The following HS3ST2 variants were observed in gnomAD, a reference collection of about 807,000 sequenced individuals.
The protein encoded by HS3ST2 is heparan sulfate glucosamine 3-O-sulfotransferase 2.
In HS3ST2, 17 loss-of-function variants were observed where a neutral mutation model predicts 26.3. That is an observed-to-expected ratio of 0.65 (90% CI 0.44 to 0.97). The LOEUF (loss-of-function observed/expected upper bound fraction) is 0.97, where lower values mean the gene tolerates loss of function less well. HS3ST2 is among the 50% of genes least tolerant of loss of function. The probability of loss-of-function intolerance (pLI) is 0.00; values close to 1 mark genes in which losing one functional copy is unlikely to be tolerated. For missense variants in HS3ST2, 402 were observed against 501.2 expected, an observed-to-expected ratio of 0.80 and a Z score of 1.89; for synonymous variants, 237 against 219.2, an observed-to-expected ratio of 1.08 and a Z score of -0.72.
intron 1 of HS3ST2, among the ~76,000 whole-genome samples, chr16:22,896,169 G>A (rs1180812131): frequency 1.3e-5 from 2 of 151,708 alleles, no homozygotes; most frequent in African/African-American, 4.8e-5. Flanking sequence ...ATTTATTTGG[G>A]GTTAGTGTTT....
intron 1 of HS3ST2, among the ~76,000 whole-genome samples, chr16:22,901,184 G>A (rs1385989365): frequency 6.6e-6 from 1 of 152,196 alleles, no homozygotes; most frequent in Non-Finnish European, 1.5e-5. Flanking sequence ...CACATGGCCA[G>A]GAAAAGGAAA....
chr16:22,821,270 CAAAGG>C (rs1300415433), intron 1 of HS3ST2, among the ~76,000 whole-genome samples: 1 of 151,786 alleles, frequency 6.6e-6, no homozygotes, highest in Admixed American at 6.6e-5. Flanking sequence ...GAGACACATC[CAAAGG>C]GCCCTAGCGG....
intron 1 of HS3ST2, among the ~76,000 whole-genome samples, chr16:22,817,697 G>GC (rs1381059713): frequency 3.9e-5 from 6 of 152,188 alleles, no homozygotes; most frequent in Non-Finnish European, 7.3e-5. Context: ...GGTCCACTGG[G>GC]CAGACATAGC....
chr16:22,891,247 G>A (rs745645208), intron 1 of HS3ST2, among the ~76,000 whole-genome samples: 3 of 152,140 alleles, frequency 2.0e-5, no homozygotes, highest in Non-Finnish European at 4.4e-5. Context: ...AGACAGGTAC[G>A]AGGTTAATCA....
chr16:22,905,494 G>A (rs1034285769), intron 1 of HS3ST2, among the ~76,000 whole-genome samples: 4 of 151,840 alleles, frequency 2.6e-5, no homozygotes, highest in Admixed American at 2.6e-4. Flanking sequence ...GGGTGAAAGA[G>A]TATAGACTTT....
intron 1 of HS3ST2, among the ~76,000 whole-genome samples, chr16:22,886,263 T>C (rs1300564846): frequency 6.6e-6 from 1 of 152,222 alleles, no homozygotes; most frequent in African/African-American, 2.4e-5. Flanking sequence ...AATTGAAATA[T>C]AGCTTTTTGT....
At chr16:22,843,964 C>A (rs991286776) in intron 1 of HS3ST2, among the ~76,000 whole-genome samples, 2 of 151,850 alleles carry the variant, frequency 1.3e-5, no homozygotes, top group Admixed American at 1.3e-4. Context: ...AAGACTGTAA[C>A]AAGGGATATG....
intron 1 of HS3ST2, among the ~76,000 whole-genome samples, chr16:22,885,598 G>A (rs1012813226): frequency 6.6e-6 from 1 of 152,036 alleles, no homozygotes; most frequent in Admixed American, 6.6e-5. Context: ...TGGGATTACA[G>A]GCGTGCGCCA....
rs2141752044 is a variant in HS3ST2 at position 22,915,434 on chromosome 16, T to C, written c.976T>C (p.Leu326=). The C allele has an allele frequency of 1.2e-6, 2 of 1,613,836 alleles. No homozygotes were observed. The highest frequency in any genetic ancestry group is 2.2e-5 in the East Asian group (1 of 44,870). Reference sequence around the variant, plus strand: ...AGAATCGAGCCTCCTGCCTCGATGCTTGGGCAAATCAAAAGGGAGAACTCA... The same window carrying C: ...AGAATCGAGCCTCCTGCCTCGATGCCTGGGCAAATCAAAAGGGAGAACTCA... ...KTESSLLPRC[L]GKSKGRTHVQ... Residue 326 remains leucine (L), a synonymous_variant, in exon 2 of 2, where the codon TTG becomes CTG. Transcript: ENST00000261374.
In HS3ST2 at chr16:22,873,409, G is replaced by A. The variant is rs185147793; in HGVS notation, c.486-41535G>A. Reference sequence around the variant, plus strand: ...AAATGCTCACTAAATCTTATCTCACGTTAATGACAAGTTTCTTGGACCATT... The same window carrying A: ...AAATGCTCACTAAATCTTATCTCACATTAATGACAAGTTTCTTGGACCATT... On this transcript the variant is annotated intron_variant, in intron 1 of 1. Coordinates refer to ENST00000261374, the MANE Select transcript of HS3ST2 (RefSeq NM_006043.2). Among the ~76,000 whole-genome samples the A allele has an allele frequency of 2.4e-3, 360 of 152,352 alleles. 1 individual carries two copies. The highest frequency in any genetic ancestry group is 3.8e-3 in the Non-Finnish European group (259 of 68,024).
intron 1 of HS3ST2, among the ~76,000 whole-genome samples, chr16:22,865,081 A>G (rs1207008258): frequency 6.6e-6 from 1 of 151,066 alleles, no homozygotes; most frequent in Non-Finnish European, 1.5e-5. Flanking sequence ...AGAGGAAAAG[A>G]AAAAACCCTC....
intron 1 of HS3ST2, among the ~76,000 whole-genome samples, chr16:22,886,411 C>T (rs1324775313): frequency 6.6e-6 from 1 of 152,170 alleles, no homozygotes; most frequent in African/African-American, 2.4e-5. Flanking sequence ...TCTACATTGG[C>T]CCAAACCCCT....
intron 1 of HS3ST2, among the ~76,000 whole-genome samples, chr16:22,885,656 G>A (rs190375809): frequency 4.0e-5 from 6 of 151,626 alleles, no homozygotes; most frequent in Admixed American, 2.6e-4. Context: ...GGCCTTCACC[G>A]TGTTGGCCAG....
chr16:22,833,050 T>C (rs1437105220), intron 1 of HS3ST2, among the ~76,000 whole-genome samples: 2 of 152,178 alleles, frequency 1.3e-5, no homozygotes, highest in Non-Finnish European at 2.9e-5. Context: ...AACCCATGCT[T>C]CCCAGAGGCT....
rs531735907 is a variant in HS3ST2 at position 22,888,653 on chromosome 16, G to A, written c.486-26291G>A. On this transcript the variant is annotated intron_variant, in intron 1 of 1. Coordinates refer to ENST00000261374, the MANE Select transcript of HS3ST2 (RefSeq NM_006043.2). ...GCCCGCCTCGGCCTGGCAAAGTGCT[G>A]GGATTACAGGCGTGTGCCACCGCGC... Among the ~76,000 whole-genome samples, 14 of 152,170 alleles carry A rather than the reference G, an allele frequency of 9.2e-5. No individual in the cohort carries two copies. The East Asian group carries it at 2.7e-3, about 30-fold the overall frequency.
At chr16:22,858,501 G>T (rs2141188251) in intron 1 of HS3ST2, among the ~76,000 whole-genome samples, 1 of 151,970 alleles carries the variant, frequency 6.6e-6, no homozygotes, top group East Asian at 1.9e-4. Context: ...AGGATAATTA[G>T]ATCACTATAT....
intron 1 of HS3ST2, among the ~76,000 whole-genome samples, chr16:22,831,637 C>A (rs954118197): frequency 2.6e-5 from 4 of 151,328 alleles, no homozygotes; most frequent in African/African-American, 9.7e-5. Context: ...GATGAGAAGT[C>A]TTTGTTTATT....
intron 1 of HS3ST2, among the ~76,000 whole-genome samples, chr16:22,885,903 C>T (rs1011356308): frequency 6.6e-6 from 1 of 152,214 alleles, no homozygotes; most frequent in Non-Finnish European, 1.5e-5. Flanking sequence ...GACAGACCAT[C>T]TGGCCCAGTC....
intron 1 of HS3ST2, among the ~76,000 whole-genome samples, chr16:22,832,371 C>T (rs1176074247): frequency 6.6e-6 from 1 of 151,992 alleles, no homozygotes; most frequent in African/African-American, 2.4e-5. Context: ...TGGTGAGCAT[C>T]CTACACCCCT....
Sources: allele counts gnomAD v4.1 joint callset (sites outside exome capture counted in the v4.1 genomes callset), GRCh38; gene constraint gnomAD v4.1.1; transcripts MANE v1.5; gene names NCBI Gene and HGNC (gene_info 2026-07-23, HGNC 2026-07-21).